Variants in HERC3 observed in about 807,000 individuals in gnomAD.
The protein encoded by HERC3 is HECT and RLD domain containing E3 ubiquitin protein ligase 3.
HERC3 carries 58 observed loss-of-function variants against 129.9 expected under a neutral mutation model. The observed-to-expected ratio is 0.45, with a 90% confidence interval of 0.36 to 0.56. The LOEUF (loss-of-function observed/expected upper bound fraction) is 0.56, where lower values mean the gene tolerates loss of function less well. Among genes scored for constraint, HERC3 ranks in the 20% least tolerant of loss-of-function variants. The probability of loss-of-function intolerance (pLI) is 0.00; values close to 1 mark genes in which losing one functional copy is unlikely to be tolerated. For missense variants in HERC3, 835 were observed against 1,244.2 expected (o/e 0.67, Z 4.95); for synonymous variants, 430 against 451.0 (o/e 0.95, Z 0.59).
chr4:88,623,929 C>T (rs2149226581), intron 3 of HERC3, among the ~76,000 whole-genome samples: 1 of 152,324 alleles, frequency 6.6e-6, no homozygotes, highest in South Asian at 2.1e-4. Context: ...CAAAACTTCT[C>T]ATTTCCCTTT....
At chr4:88,577,605 G>GTATATATATATATATATATATA in the HERC3 span, among the ~76,000 whole-genome samples, 4,552 of 131,590 alleles carry the variant, frequency 0.035, 323 homozygotes, top group African/African-American at 0.11. Flanking sequence ...GTATGTGTGT[G>GTATATATATATATATATATATA]TATATATATA....
rs1012916273 is a variant in HERC3 at position 88,708,491 on chromosome 4, G to A, written c.*1531G>A. 3 of 152,464 alleles carry A rather than the reference G, an allele frequency of 2.0e-5. No individual in the cohort carries two copies. Among genetic ancestry groups the A allele is most frequent in the African/African-American group, 7.2e-5 (3 of 41,386 alleles). The allele number at this position is 152,464 out of a possible 1,614,324, so 9.4% of individuals were successfully genotyped here. A position where few individuals can be genotyped will look rare whatever the true frequency, so the allele number is the denominator to read the frequency against. ...TATGAAATGTTTATTTTCTATGTGT[G>A]TGCATATAGTTCAATATTATGCAAT... is the stretch of plus-strand genomic sequence containing the variant. On this transcript the variant is annotated 3_prime_UTR_variant, in exon 26 of 26. Coordinates refer to ENST00000402738, the MANE Select transcript of HERC3 (RefSeq NM_014606.3).
intron 21 of HERC3, among the ~76,000 whole-genome samples, chr4:88,686,535 A>G (rs1733483344): frequency 6.6e-6 from 1 of 152,226 alleles, no homozygotes; most frequent in African/African-American, 2.4e-5. Context: ...AGAATAATTA[A>G]TGAATGTTTT....
At chr4:88,602,333 C>T (rs564462292) in intron 2 of HERC3, among the ~76,000 whole-genome samples, 12 of 134,756 alleles carry the variant, frequency 8.9e-5, no homozygotes, top group African/African-American at 3.3e-4. Context: ...ACCTGTGAGG[C>T]GTAGGTTGCA....
chr4:88,675,521 C>T (rs1466979192), intron 16 of HERC3, among the ~76,000 whole-genome samples: 1 of 151,918 alleles, frequency 6.6e-6, no homozygotes, highest in African/African-American at 2.4e-5. Context: ...TTTATTGTTT[C>T]TATTAAGTTA....
chr4:88,531,745 G>C, the HERC3 span, among the ~76,000 whole-genome samples: 1 of 152,188 alleles, frequency 6.6e-6, no homozygotes, highest in Admixed American at 6.5e-5. Flanking sequence ...AAGGGAGGCA[G>C]AGATGAGCTT....
chr4:88,657,262 C>G (rs1205698644), intron 9 of HERC3: 6 of 152,164 alleles, frequency 3.9e-5, no homozygotes, highest in Non-Finnish European at 8.8e-5. Context: ...AACTCAAGGA[C>G]ACAGACAAAC....
chr4:88,622,565 TTC>T, intron 3 of HERC3, among the ~76,000 whole-genome samples: 1 of 152,342 alleles, frequency 6.6e-6, no homozygotes, highest in African/African-American at 2.4e-5. Context: ...CTTCAGATTG[TTC>T]TCTAAAGTGA....
chr4:88,612,548 A>G (rs898807484), intron 3 of HERC3, among the ~76,000 whole-genome samples: 6 of 152,104 alleles, frequency 3.9e-5, no homozygotes, highest in African/African-American at 7.2e-5. Flanking sequence ...CCAGCTTTAA[A>G]AAAAAGTATT....
chr4:88,669,864 CTGG>C lies in HERC3; in HGVS notation c.1643_1645del (p.Trp548del). On this transcript the variant is annotated inframe_deletion, in exon 15 of 26. Coordinates refer to ENST00000402738, the MANE Select transcript of HERC3 (RefSeq NM_014606.3). ...GTCTTTTCTTTCTTTCTAAAGATAA[CTGG>C]TGGTCTCAGGTATGCCCGAAATATT... 1 of 1,610,824 alleles carries C rather than the reference CTGG, an allele frequency of 6.2e-7. No individual in the cohort carries two copies. The highest frequency in any genetic ancestry group is 8.5e-7 in the Non-Finnish European group (1 of 1,177,632).
intron 3 of HERC3, among the ~76,000 whole-genome samples, chr4:88,627,154 G>A (rs1726190185): frequency 6.6e-6 from 1 of 151,950 alleles, no homozygotes; most frequent in Admixed American, 6.6e-5. Context: ...TTTGACACAT[G>A]GGTTATGAGA....
the HERC3 span, among the ~76,000 whole-genome samples, chr4:88,581,516 G>C: frequency 2.0e-5 from 3 of 151,606 alleles, no homozygotes; most frequent in African/African-American, 7.3e-5. Flanking sequence ...ATGCTTGCCA[G>C]GCTGGTCTCG....
intron 21 of HERC3, among the ~76,000 whole-genome samples, chr4:88,681,830 C>T (rs1024378282): frequency 2.6e-5 from 4 of 152,102 alleles, no homozygotes; most frequent in African/African-American, 9.7e-5. Flanking sequence ...TAGAAACACT[C>T]GAATTATTCT....
the HERC3 span, among the ~76,000 whole-genome samples, chr4:88,533,401 A>G: frequency 5.9e-5 from 9 of 152,136 alleles, no homozygotes; most frequent in Non-Finnish European, 1.3e-4. Flanking sequence ...CTTCAATCCA[A>G]TCAAGTTGAC....
intron 3 of HERC3, among the ~76,000 whole-genome samples, chr4:88,649,086 A>G (rs1382393290): frequency 8.6e-5 from 13 of 151,970 alleles, no homozygotes; most frequent in Admixed American, 7.9e-4. Context: ...TTCAGAGTTC[A>G]TTTCCTTCTG....
At chr4:88,687,091 C>A in intron 22 of HERC3, 126 bp from the exon 23 acceptor site, 1 of 698,632 alleles carries the variant, frequency 1.4e-6, no homozygotes, top group South Asian at 2.0e-5. Context: ...TGATTATTCT[C>A]CCACTAATTT....
At chr4:88,678,198 A>G in intron 19 of HERC3, 64 bp downstream of exon 19, 3 of 1,417,040 alleles carry the variant, frequency 2.1e-6, no homozygotes, top group Non-Finnish European at 3.0e-6. Context: ...GTGTTGATTA[A>G]GCAGCAGTGA....
chr4:88,680,300 C>G, intron 20 of HERC3, 64 bp downstream of exon 20: 1 of 1,284,674 alleles, frequency 7.8e-7, no homozygotes, highest in South Asian at 1.6e-5. Flanking sequence ...GTTGTCAGAC[C>G]AATCCCCTAA....
chr4:88,622,787 G>T (rs1017807089), intron 3 of HERC3, among the ~76,000 whole-genome samples: 1 of 152,038 alleles, frequency 6.6e-6, no homozygotes, highest in Non-Finnish European at 1.5e-5. Flanking sequence ...AAATTAGCTG[G>T]GTGTGGTGGT....
Sources: allele counts gnomAD v4.1 joint callset (sites outside exome capture counted in the v4.1 genomes callset), GRCh38; gene constraint gnomAD v4.1.1; transcripts MANE v1.5; gene names NCBI Gene and HGNC (gene_info 2026-07-23, HGNC 2026-07-21).